ANKRD26: variants seen among roughly 807,000 people sequenced by gnomAD.
ANKRD26 encodes ankyrin repeat domain-containing protein 26.
ANKRD26 carries 141 observed loss-of-function variants against 208.7 expected under a neutral mutation model. The ratio of observed to expected loss-of-function variants is 0.68; its 90% CI spans 0.59 to 0.78. ANKRD26 has a LOEUF of 0.78. Ranked by LOEUF, ANKRD26 falls within the 30% of genes least tolerant of loss-of-function variation. ANKRD26 has a pLI of 0.00. For synonymous variants in ANKRD26, 636 were observed against 660.4 expected, an observed-to-expected ratio of 0.96 and a Z score of 0.57; for missense variants, 1,889 against 1,938.7, an observed-to-expected ratio of 0.97 and a Z score of 0.48.
At chr10:27,011,644 A>G (rs1052349415) in intron 32 of ANKRD26, among the ~76,000 whole-genome samples, 1 of 152,146 alleles carries the variant, frequency 6.6e-6, no homozygotes, top group African/African-American at 2.4e-5. Flanking sequence ...TGGGTTTTCT[A>G]TTGTTCTAGA....
rs762097511 is a variant in ANKRD26 at position 27,037,201 on chromosome 10, C to T, written c.2682G>A (p.Lys894=). 2 of 1,613,456 alleles carry T rather than the reference C, an allele frequency of 1.2e-6. No individual in the cohort carries two copies. The highest frequency in any genetic ancestry group is 1.7e-6 in the Non-Finnish European group (2 of 1,179,518). ...ATAGAAATACCTCAGAATTCATTTT[C>T]TTTTGAGCCATTTCAATCTCCTTTT... ...SKQKEIEMAQ[K]KMNSENSHSH... Residue 894 remains lysine, a synonymous_variant, in exon 23 of 34, where the codon AAG becomes AAA. Coordinates refer to ENST00000376087, the MANE Select transcript of ANKRD26 (RefSeq NM_014915.3).
chr10:27,003,378 A>C (rs1589192471), downstream of ANKRD26, among the ~76,000 whole-genome samples: 1 of 152,166 alleles, frequency 6.6e-6, no homozygotes, highest in Non-Finnish European at 1.5e-5. Context: ...ATCAATATAG[A>C]AGGGATGAAG....
the ANKRD26 span, among the ~76,000 whole-genome samples, chr10:26,953,845 T>G: frequency 2.6e-5 from 4 of 152,212 alleles, no homozygotes; most frequent in Admixed American, 2.6e-4. Flanking sequence ...TGGCTGGTGA[T>G]CACATGTATT....
downstream of ANKRD26, among the ~76,000 whole-genome samples, chr10:26,972,223 A>G (rs979422480): frequency 2.3e-4 from 35 of 149,204 alleles, no homozygotes; most frequent in East Asian, 2.2e-3. Flanking sequence ...CGACAGAGCG[A>G]GACTCCGTCT....
intron 1 of ANKRD26, among the ~76,000 whole-genome samples, chr10:27,094,813 C>A (rs1224231332): frequency 3.3e-5 from 5 of 152,034 alleles, no homozygotes; most frequent in Non-Finnish European, 7.4e-5. Context: ...CCAGCCTGGG[C>A]AACATAGTGA....
chr10:27,028,097 C>T (rs11015462), intron 27 of ANKRD26, among the ~76,000 whole-genome samples: 12,284 of 152,162 alleles, frequency 0.081, 581 homozygotes, highest in African/African-American at 0.13. Context: ...ATAATATTTT[C>T]AACTTACAAT....
chr10:27,032,405 G>T (rs571982484), intron 25 of ANKRD26, among the ~76,000 whole-genome samples: 1 of 151,866 alleles, frequency 6.6e-6, no homozygotes, highest in African/African-American at 2.4e-5. Flanking sequence ...GAGGCCGAGG[G>T]GGGTGGATCA....
At chr10:27,080,685 CCTTTAAGTCTTCAG>C in intron 6 of ANKRD26, 1 of 985,484 alleles carries the variant, frequency 1.0e-6, no homozygotes, top group Non-Finnish European at 1.2e-6. Flanking sequence ...GCATCTCCAA[CCTTTAAGTCTTCAG>C]CCTATGAAGG....
chr10:27,096,423 C>T (rs1240856896), intron 1 of ANKRD26, among the ~76,000 whole-genome samples: 1 of 152,170 alleles, frequency 6.6e-6, no homozygotes, highest in Non-Finnish European at 1.5e-5. Context: ...TAGGGATTCA[C>T]CTCTGACAGA....
chr10:26,981,152 C>T (rs2052302175), intron 4 of ANKRD26, among the ~76,000 whole-genome samples: 1 of 152,154 alleles, frequency 6.6e-6, no homozygotes, highest in Non-Finnish European at 1.5e-5. Context: ...GGGCCACTGT[C>T]ACAGGTATTG....
the ANKRD26 span, among the ~76,000 whole-genome samples, chr10:26,947,925 C>T: frequency 6.6e-6 from 1 of 152,114 alleles, no homozygotes. Flanking sequence ...TTTCATAAAA[C>T]AAAATGTATG....
chr10:26,990,627 T>C (rs938583965), downstream of ANKRD26, among the ~76,000 whole-genome samples: 1 of 152,142 alleles, frequency 6.6e-6, no homozygotes, highest in Admixed American at 6.5e-5. Context: ...CTATGGAGTA[T>C]TCCTCCCAGA....
intron 4 of ANKRD26, among the ~76,000 whole-genome samples, chr10:27,091,572 T>C (rs2056301061): frequency 6.6e-6 from 1 of 152,150 alleles, no homozygotes; most frequent in African/African-American, 2.4e-5. Flanking sequence ...GAAAGCAACT[T>C]AAAGCAAAGA....
At chr10:27,059,132 T>C (rs545079310) in intron 15 of ANKRD26, among the ~76,000 whole-genome samples, 1 of 152,260 alleles carries the variant, frequency 6.6e-6, no homozygotes, top group African/African-American at 2.4e-5. Context: ...GCCGGGATGG[T>C]CTCGATCTCC....
At position 27,093,245 on chromosome 10, in the gene ANKRD26, G is replaced by A. The variant is rs1004155634; in HGVS notation, c.531+104C>T. 4.8e-6 allele frequency: 5 copies of A among 1,045,272 alleles called. No homozygotes were observed. In the South Asian group the frequency reaches 5.5e-5, roughly 11 times the overall value. 64.7% of individuals were successfully genotyped at this position (1,045,272 alleles called of 1,614,324 possible). A position where few individuals can be genotyped will look rare whatever the true frequency, so the allele number is the denominator to read the frequency against. ...AGTTATTTTAAAATACTTTCAGTCA[G>A]GGAATGCTTGCGCTTCCAAATACAG... is the stretch of plus-strand genomic sequence containing the variant. On this transcript the variant is annotated intron_variant, in intron 3 of 33. Transcript: ENST00000376087.
intron 9 of ANKRD26, among the ~76,000 whole-genome samples, chr10:27,069,435 T>C (rs921846464): frequency 6.6e-6 from 1 of 152,018 alleles, no homozygotes; most frequent in Admixed American, 6.6e-5. Flanking sequence ...GTTTGGGACA[T>C]ATTAATATAA....
chr10:26,992,284 T>C (rs906451968), intron 5 of ANKRD26, among the ~76,000 whole-genome samples: 1 of 152,158 alleles, frequency 6.6e-6, no homozygotes. Flanking sequence ...TTTAAAATCT[T>C]ATGGAGAAAG....
At chr10:27,040,229 A>G (rs906363256) in intron 20 of ANKRD26, 51 bp from the exon 21 acceptor site, 3 of 1,320,790 alleles carry the variant, frequency 2.3e-6, no homozygotes, top group Non-Finnish European at 3.2e-6. Context: ...TTTCCATATA[A>G]CACACTGTGC....
At chr10:27,015,077 C>A (rs1341999755) in intron 30 of ANKRD26, among the ~76,000 whole-genome samples, 1 of 152,092 alleles carries the variant, frequency 6.6e-6, no homozygotes, top group African/African-American at 2.4e-5. Context: ...AAGAAAATGA[C>A]TACAAATGTG....
Sources: allele counts gnomAD v4.1 joint callset (sites outside exome capture counted in the v4.1 genomes callset), GRCh38; gene constraint gnomAD v4.1.1; transcripts MANE v1.5; gene names NCBI Gene and HGNC (gene_info 2026-07-23, HGNC 2026-07-21).